SNX31: variants seen among roughly 807,000 people sequenced by gnomAD.
SNX31 encodes the protein sorting nexin-31.
A neutral mutation model predicts 65.4 loss-of-function variants in SNX31; 58 were observed. The ratio of observed to expected loss-of-function variants is 0.89; its 90% CI spans 0.72 to 1.10. The LOEUF is 1.10. Among genes scored for constraint, SNX31 ranks in the 50% least tolerant of loss-of-function variants. SNX31 has a pLI of 0.00. For synonymous variants in SNX31, 181 were observed against 190.1 expected (o/e 0.95, Z 0.39); for missense variants, 523 against 529.7 (o/e 0.99, Z 0.12).
Position 100,588,849 on chromosome 8 carries a change from C to A in SNX31, c.1092+17G>T. On this transcript the variant is annotated intron_variant, in intron 11 of 13. Transcript: ENST00000311812. This position sits in a 1 kb window ranked among gnomAD's most constrained non-coding sequence, Gnocchi z 4.8. ...TTTCAGCACAGAGGGTGTTCAAGGT[C>A]TGCCCTGAGAACTCACCTGTTTGGT... is the stretch of plus-strand genomic sequence containing the variant. The A allele has an allele frequency of 6.3e-7, 1 of 1,580,216 alleles. No homozygotes were observed. The highest frequency in any genetic ancestry group is 1.1e-5 in the South Asian group (1 of 90,176).
intron 13 of SNX31, among the ~76,000 whole-genome samples, chr8:100,574,722 CCAG>C (rs1812901212): frequency 6.6e-6 from 1 of 151,632 alleles, no homozygotes; most frequent in Admixed American, 6.6e-5. Flanking sequence ...TCACTTGAGG[CCAG>C]GAGTACGAGA....
At position 100,604,907 on chromosome 8, in the gene SNX31, T is replaced by G. The variant is rs1409217690; in HGVS notation, c.681+3587A>C. ...AATGACTGCTTCTTAGTCTTTTTTT[T>G]TCTTTTTTTTTGACAGAGTCTCGTG... is the stretch of plus-strand genomic sequence containing the variant. On this transcript the variant is annotated intron_variant, in intron 8 of 13. Coordinates refer to ENST00000311812, the MANE Select transcript of SNX31 (RefSeq NM_152628.4). The surrounding 1 kb of genome is among the most constrained non-coding windows in gnomAD (Gnocchi z 4.3). 1.3e-5 allele frequency among the ~76,000 whole-genome samples: 2 copies of G among 152,140 alleles called. No homozygotes were observed. The highest frequency in any genetic ancestry group is 2.9e-5 in the Non-Finnish European group (2 of 68,036).
In SNX31 at chr8:100,578,576, G is replaced by A. The variant is rs910650342; in HGVS notation, c.1171-1501C>T. 6.6e-6 allele frequency among the ~76,000 whole-genome samples: 1 copy of A among 151,932 alleles called. No individual in the cohort carries two copies. Among genetic ancestry groups the A allele is most frequent in the African/African-American group, 2.4e-5 (1 of 41,340 alleles). ...CAAAAAAGCATTACCTTTCAACTAT[G>A]GTTAACTTTGTTGTAAAATCAATTG... On this transcript the variant is annotated intron_variant, in intron 12 of 13. Coordinates refer to ENST00000311812, the MANE Select transcript of SNX31 (RefSeq NM_152628.4). The surrounding 1 kb of genome is among the most constrained non-coding windows in gnomAD (Gnocchi z 4.7).
rs967349020 is a variant in SNX31, at chr8:100,618,160, C to T, written c.322-430G>A. The stretch of plus-strand genomic sequence containing the variant: ...TTCTAGCATATGGTACCCAAAGTTC[C>T]CAAGAGACAAGTGCAGAGATTGGAA... On this transcript the variant is annotated intron_variant, in intron 4 of 13. Coordinates refer to ENST00000311812, the MANE Select transcript of SNX31 (RefSeq NM_152628.4). The T allele has an allele frequency of 3.0e-6, 3 of 984,954 alleles. No individual in the cohort carries two copies. In the African/African-American group the frequency reaches 5.2e-5, roughly 17 times the overall value. 61.0% of individuals were successfully genotyped at this position (984,954 alleles called of 1,614,324 possible). A position where few individuals can be genotyped will look rare whatever the true frequency, so the allele number is the denominator to read the frequency against.
At chr8:100,607,400 A>T (rs1316554483) in intron 8 of SNX31, among the ~76,000 whole-genome samples, 2 of 152,226 alleles carry the variant, frequency 1.3e-5, no homozygotes, top group Non-Finnish European at 2.9e-5. Flanking sequence ...CCGAAGCTTC[A>T]TCACACGAGG....
intron 2 of SNX31, among the ~76,000 whole-genome samples, chr8:100,646,677 G>A (rs1485849750): frequency 6.6e-6 from 1 of 150,670 alleles, no homozygotes. Context: ...TTTAGAGTGA[G>A]GCAAAAAAAA....
intron 9 of SNX31, 105 bp downstream of exon 9, chr8:100,600,244 A>T (rs1485378568): frequency 8.9e-6 from 8 of 894,230 alleles, no homozygotes. Context: ...AAAGAGCCCC[A>T]CTTTTAGTGC....
At position 100,594,974 on chromosome 8, in the gene SNX31, C is replaced by A. The variant is rs778941394; in HGVS notation, c.978+1665G>T. Among the ~76,000 whole-genome samples the A allele has an allele frequency of 2.6e-5, 4 of 152,290 alleles. No individual in the cohort carries two copies. The highest frequency in any genetic ancestry group is 4.8e-5 in the African/African-American group (2 of 41,550). On this transcript the variant is annotated intron_variant, in intron 10 of 13. Coordinates refer to ENST00000311812, the MANE Select transcript of SNX31 (RefSeq NM_152628.4). This position sits in a 1 kb window ranked among gnomAD's most constrained non-coding sequence, Gnocchi z 4.0. Reference sequence around the variant, plus strand: ...ACTGCTGCTCAACAATAAAAAGAGACAAACTACTGATATAGTCAGCAACCT... The same window carrying A: ...ACTGCTGCTCAACAATAAAAAGAGAAAAACTACTGATATAGTCAGCAACCT...
rs1177679594 is a variant in SNX31 at position 100,642,642 on chromosome 8, AC to A, written c.141+6631del. ...GAGTAGTTAAATGTGCCAAAAGTCAACAATCAAATCCAAATTCAACTCCACC... is the reference window on the plus strand; with the variant it reads ...GAGTAGTTAAATGTGCCAAAAGTCAAAATCAAATCCAAATTCAACTCCACC... On this transcript the variant is annotated intron_variant, in intron 2 of 13. Coordinates refer to ENST00000311812, the MANE Select transcript of SNX31 (RefSeq NM_152628.4). Among the ~76,000 whole-genome samples, 5 of 152,338 alleles carry A rather than the reference AC, an allele frequency of 3.3e-5. No homozygotes were observed. The East Asian group carries it at 7.7e-4, about 23-fold the overall frequency.
At chr8:100,617,524 A>C (rs1586967243) in intron 5 of SNX31, 96 bp downstream of exon 5, 2 of 825,864 alleles carry the variant, frequency 2.4e-6, no homozygotes, top group South Asian at 3.5e-5. Flanking sequence ...ACAACAGGCC[A>C]GAAGCTCCTG....
intron 10 of SNX31, among the ~76,000 whole-genome samples, chr8:100,591,846 A>AATAAAG (rs1814617282): frequency 6.6e-6 from 1 of 152,192 alleles, no homozygotes; most frequent in South Asian, 2.1e-4. Flanking sequence ...TAAAAATAAA[A>AATAAAG]ATAAAACCAA....
Position 100,609,632 on chromosome 8 carries a change from A to G in SNX31, c.612-1069T>C, listed in dbSNP as rs1393834179. On this transcript the variant is annotated intron_variant, in intron 7 of 13. Transcript: ENST00000311812. The surrounding 1 kb of genome is among the most constrained non-coding windows in gnomAD (Gnocchi z 4.9). ...TACCAACCAGAAGGCAGAGGCAAGC[A>G]GAGTTGCTATGCTCAGAATAGGGTG... Among the ~76,000 whole-genome samples, 1 of 152,218 alleles carries G rather than the reference A, an allele frequency of 6.6e-6. No homozygotes were observed. The highest frequency in any genetic ancestry group is 1.5e-5 in the Non-Finnish European group (1 of 68,036).
At chr8:100,577,578 A>G (rs1311775860) in intron 12 of SNX31, among the ~76,000 whole-genome samples, 1 of 152,198 alleles carries the variant, frequency 6.6e-6, no homozygotes, top group East Asian at 1.9e-4. Context: ...ATTGAGGAGA[A>G]TTTTAGGAAG....
rs1814321386 is a variant in SNX31, at chr8:100,588,998, T to C, written c.979-19A>G. On this transcript the variant is annotated intron_variant, in intron 10 of 13. Coordinates refer to ENST00000311812, the MANE Select transcript of SNX31 (RefSeq NM_152628.4). This position sits in a 1 kb window ranked among gnomAD's most constrained non-coding sequence, Gnocchi z 4.8. ...GAGTTCCCTACAAAGGAAAATATTT[T>C]ATATTCAATGTAAATTTAAATGCCT... The C allele has an allele frequency of 6.3e-7, 1 of 1,583,706 alleles. No homozygotes were observed. The highest frequency in any genetic ancestry group is 8.7e-7 in the Non-Finnish European group (1 of 1,154,348).
intron 10 of SNX31, among the ~76,000 whole-genome samples, chr8:100,595,257 A>G (rs957556857): frequency 2.0e-5 from 3 of 151,676 alleles, no homozygotes; most frequent in African/African-American, 7.3e-5. Context: ...TGTTCAATCC[A>G]TCCACACAGG....
rs1812762601 is a variant in SNX31 at position 100,572,895 on chromosome 8, G to A, written c.*970C>T. 1 of 151,942 alleles carries A rather than the reference G, an allele frequency of 6.6e-6. No homozygotes were observed. The highest frequency in any genetic ancestry group is 1.5e-5 in the Non-Finnish European group (1 of 67,994). 9.4% of individuals were successfully genotyped at this position (151,942 alleles called of 1,614,324 possible). A position where few individuals can be genotyped will look rare whatever the true frequency, so the allele number is the denominator to read the frequency against. On this transcript the variant is annotated 3_prime_UTR_variant, in exon 14 of 14. Transcript: ENST00000311812. Reference sequence around the variant, plus strand: ...TTAATCAACAAATTTTATATTCACTGGAATTATTTTGTATTTATTATATAA... The same window carrying A: ...TTAATCAACAAATTTTATATTCACTAGAATTATTTTGTATTTATTATATAA...
rs566809727 is a variant in SNX31 at position 100,612,613 on chromosome 8, A to G, written c.523+382T>C. On this transcript the variant is annotated intron_variant, in intron 6 of 13. Transcript: ENST00000311812. The surrounding 1 kb of genome is among the most constrained non-coding windows in gnomAD (Gnocchi z 4.3). ...ATCTAATAACTCATTGATACCATCCACAAATATTCCTTAACAAGGAGAAAT... is the reference window on the plus strand; with the variant it reads ...ATCTAATAACTCATTGATACCATCCGCAAATATTCCTTAACAAGGAGAAAT... Among the ~76,000 whole-genome samples, 107 of 152,362 alleles carry G rather than the reference A, an allele frequency of 7.0e-4. No individual in the cohort carries two copies. The highest frequency in any genetic ancestry group is 2.5e-3 in the African/African-American group (103 of 41,586).
chr8:100,648,834 C>G lies in SNX31; in HGVS notation c.141+440G>C, dbSNP rs115890596. Among the ~76,000 whole-genome samples the G allele has an allele frequency of 0.018, 2,694 of 152,296 alleles. 68 individuals are homozygous for G. Among genetic ancestry groups the G allele is most frequent in the African/African-American group, 0.059 (2,465 of 41,554 alleles). On this transcript the variant is annotated intron_variant, in intron 2 of 13. Transcript: ENST00000311812. The surrounding 1 kb of genome is among the most constrained non-coding windows in gnomAD (Gnocchi z 4.3). ...AAAGGGGGCAAACTTAAGAAACTCT[C>G]GAGACAAAGGAGATTAAATACCCAT... is the stretch of plus-strand genomic sequence containing the variant.
Position 100,649,255 on chromosome 8 carries a change from C to T in SNX31, c.141+19G>A. On this transcript the variant is annotated intron_variant, in intron 2 of 13. Transcript: ENST00000311812. ...CCTGTCTCAGTGGATGGGCTCGTAC[C>T]CGCCTCCAATCTGCTCACCTGTTCG... The T allele has an allele frequency of 6.2e-7, 1 of 1,612,714 alleles. No individual in the cohort carries two copies. The highest frequency in any genetic ancestry group is 8.5e-7 in the Non-Finnish European group (1 of 1,178,886).
Sources: gnomAD v4.1 joint callset for allele counts (sites outside exome capture counted in the v4.1 genomes callset) on GRCh38, gnomAD v4.1.1 for gene constraint, Gnocchi (gnomAD v3.1) non-coding constraint, MANE v1.5 for transcripts, NCBI Gene and HGNC (gene_info 2026-07-23, HGNC 2026-07-21) for gene names.